The following ADGRB2 variants were observed in gnomAD, a reference collection of about 807,000 sequenced individuals.
The protein encoded by ADGRB2 is adhesion G protein-coupled receptor B2, also known as brain-specific angiogenesis inhibitor 2.
A neutral mutation model predicts 178.7 loss-of-function variants in ADGRB2; 47 were observed. The observed-to-expected ratio is 0.26, with a 90% CI of 0.21 to 0.34. The LOEUF (loss-of-function observed/expected upper bound fraction) is 0.34, where lower values mean the gene tolerates loss of function less well. Ranked by LOEUF, ADGRB2 falls within the 10% of genes least tolerant of loss-of-function variation. The probability of loss-of-function intolerance (pLI) is 1.00; values close to 1 mark genes in which losing one functional copy is unlikely to be tolerated. For synonymous variants in ADGRB2, 870 were observed against 912.4 expected, an observed-to-expected ratio of 0.95 and a Z score of 0.84; for missense variants, 1,584 against 2,180.8, an observed-to-expected ratio of 0.73 and a Z score of 5.45.
chr1:31,759,456 A>T lies in ADGRB2; in HGVS notation c.-190-1945T>A. On this transcript the variant is annotated intron_variant, in intron 1 of 32. Coordinates refer to ENST00000373658, the MANE Select transcript of ADGRB2 (RefSeq NM_001364857.2). This position sits in a 1 kb window ranked among gnomAD's most constrained non-coding sequence, Gnocchi z 4.3. Reference sequence around the variant, plus strand: ...CTCCTAGGCTGCTGCTCCCTACTCCACAGCCCCGCCCCATCAAGAAGCACA... The same window carrying T: ...CTCCTAGGCTGCTGCTCCCTACTCCTCAGCCCCGCCCCATCAAGAAGCACA... 1 of 759,992 alleles carries T rather than the reference A, an allele frequency of 1.3e-6. No individual in the cohort carries two copies. The highest frequency in any genetic ancestry group is 2.5e-6 in the Non-Finnish European group (1 of 406,546). The allele number at this position is 759,992 out of a possible 1,614,324, so 47.1% of individuals were successfully genotyped here. A position where few individuals can be genotyped will look rare whatever the true frequency, so the allele number is the denominator to read the frequency against.
At position 31,744,148 on chromosome 1, in the gene ADGRB2, A is replaced by C; in HGVS notation, c.1087+45T>G. 6.7e-7 allele frequency: 1 copy of C among 1,488,090 alleles called. No individual in the cohort carries two copies. Among genetic ancestry groups the C allele is most frequent in the Non-Finnish European group, 9.0e-7 (1 of 1,114,664 alleles). The allele number at this position is 1,488,090 out of a possible 1,614,324, so 92.2% of individuals were successfully genotyped here. ...TTAATCTGCCCAAGTCCCAGGCAGGACCTAACCCTGCAGGCAGGTGGGGTG... is the reference window on the plus strand; with the variant it reads ...TTAATCTGCCCAAGTCCCAGGCAGGCCCTAACCCTGCAGGCAGGTGGGGTG... On this transcript the variant is annotated intron_variant, in intron 6 of 32. Coordinates refer to ENST00000373658, the MANE Select transcript of ADGRB2 (RefSeq NM_001364857.2). The surrounding 1 kb of genome is among the most constrained non-coding windows in gnomAD (Gnocchi z 6.7).
At position 31,727,322 on chromosome 1, in the gene ADGRB2, A is replaced by C; in HGVS notation, c.*98T>G. On this transcript the variant is annotated 3_prime_UTR_variant, in exon 33 of 33. Transcript: ENST00000373658. This position sits in a 1 kb window ranked among gnomAD's most constrained non-coding sequence, Gnocchi z 4.4. ...GGCGCCTCCCTGCCCAGCCCTCGGG[A>C]GAGGGGAGAGGGCGCTGGCTCCTGG... is the stretch of plus-strand genomic sequence containing the variant. 1 of 1,381,346 alleles carries C rather than the reference A, an allele frequency of 7.2e-7. No individual in the cohort carries two copies. Among genetic ancestry groups the C allele is most frequent in the Non-Finnish European group, 9.5e-7 (1 of 1,050,344 alleles). The allele number at this position is 1,381,346 out of a possible 1,614,324, so 85.6% of individuals were successfully genotyped here. A position where few individuals can be genotyped will look rare whatever the true frequency, so the allele number is the denominator to read the frequency against.
intron 4 of ADGRB2, among the ~76,000 whole-genome samples, chr1:31,748,186 G>A (rs1415051762): frequency 2.6e-5 from 4 of 152,220 alleles, no homozygotes; most frequent in African/African-American, 7.2e-5. Flanking sequence ...GGGGCAGGGC[G>A]AAGCGGGAGT....
intron 4 of ADGRB2, among the ~76,000 whole-genome samples, chr1:31,745,140 G>A (rs142722398): frequency 9.2e-5 from 14 of 152,312 alleles, no homozygotes; most frequent in Non-Finnish European, 1.6e-4. Context: ...GCTAGACAGG[G>A]GAAGTGCCTT....
Position 31,756,276 on chromosome 1 carries a change from G to A in ADGRB2, c.561C>T (p.Leu187=). 1 of 1,613,234 alleles carries A rather than the reference G, an allele frequency of 6.2e-7. No individual in the cohort carries two copies. ...ALAFRFVEVL[L]INNNNSSQFT... is the part of the protein sequence containing the mutation. ...ATTGGCTAGAGTTGTTGTTGTTGAT[G>A]AGCAAGACCTCGACAAAGCGGAAGG... is the stretch of plus-strand genomic sequence containing the variant. Residue 187 remains leucine (L), a synonymous_variant, in exon 4 of 33, where the codon CTC becomes CTT. Coordinates refer to ENST00000373658, the MANE Select transcript of ADGRB2 (RefSeq NM_001364857.2). The surrounding 1 kb of genome is among the most constrained non-coding windows in gnomAD (Gnocchi z 8.5).
At chr1:31,736,473 C>T (rs79637360) in intron 21 of ADGRB2, 83 bp from the exon 22 acceptor site, 18 of 1,601,730 alleles carry the variant, frequency 1.1e-5, no homozygotes, top group Non-Finnish European at 2.6e-6. Context: ...CCCAGCTGAC[C>T]CCTGTGCCCA....
chr1:31,746,994 A>C (rs1646311976), intron 4 of ADGRB2, among the ~76,000 whole-genome samples: 1 of 151,146 alleles, frequency 6.6e-6, no homozygotes, highest in Non-Finnish European at 1.5e-5. Flanking sequence ...CTCAAATATC[A>C]CCTCCCCTGT....
chr1:31,757,726 C>A (rs1265370156), intron 1 of ADGRB2, among the ~76,000 whole-genome samples: 2 of 152,214 alleles, frequency 1.3e-5, no homozygotes, highest in African/African-American at 4.8e-5. Context: ...CCACCCCCCA[C>A]TACCCACCTG....
Position 31,739,621 on chromosome 1 carries a change from G to A in ADGRB2, c.2182C>T (p.Arg728Ter), listed in dbSNP as rs1173343220. 3 of 1,589,262 alleles carry A rather than the reference G, an allele frequency of 1.9e-6. No homozygotes were observed. The highest frequency in any genetic ancestry group is 2.7e-5 in the African/African-American group (2 of 74,596). ...VTDNLVISIQ[R>*]EPVSAVSSDI... ...CTGGACACAGCTGAGACGGGCTCTCGCTGAATGCTGATCACTGCAGTGGGA... is the reference window on the plus strand; with the variant it reads ...CTGGACACAGCTGAGACGGGCTCTCACTGAATGCTGATCACTGCAGTGGGA... Residue 728 changes from arginine to a stop codon, truncating the protein, a stop_gained, in exon 15 of 33, where the codon CGA (arginine) becomes TGA (stop). Coordinates refer to ENST00000373658, the MANE Select transcript of ADGRB2 (RefSeq NM_001364857.2). LOFTEE classifies it high-confidence loss of function.
chr1:31,744,608 G>C lies in ADGRB2; in HGVS notation c.922+40C>G. The stretch of plus-strand genomic sequence containing the variant: ...CACACACCACCAGACGCACACAGTC[G>C]GGCCCCCGCCGCAGAGGAAGGGAGG... On this transcript the variant is annotated intron_variant, in intron 5 of 32. Transcript: ENST00000373658. This position sits in a 1 kb window ranked among gnomAD's most constrained non-coding sequence, Gnocchi z 6.7. 6.2e-7 allele frequency: 1 copy of C among 1,605,470 alleles called. No individual in the cohort carries two copies.
At position 31,741,644 on chromosome 1, in the gene ADGRB2, T is replaced by C; in HGVS notation, c.1667A>G (p.Lys556Arg). The change falls in exon 10 of 33, where the codon AAG becomes AGG. Residue 556 changes from lysine (K) to arginine (R), a missense_variant. By Grantham distance (26) the Lys-to-Arg change is conservative. Around this residue, in one of 3 missense-constraint regions of ADGRB2, gnomAD observed 657 missense variants for 847.6 expected, o/e 0.78. Coordinates refer to ENST00000373658, the MANE Select transcript of ADGRB2 (RefSeq NM_001364857.2). This position sits in a 1 kb window ranked among gnomAD's most constrained non-coding sequence, Gnocchi z 6.5. ...KAAAGEIIYN[K>R]CPPNASGSAS... ...CTTACCTGAGGCATTCGGGGGGCAC[T>C]TGTTGTAGATGATCTCGCCAGCAGC... 6.2e-7 allele frequency: 1 copy of C among 1,613,984 alleles called. No homozygotes were observed. The highest frequency in any genetic ancestry group is 8.5e-7 in the Non-Finnish European group (1 of 1,179,954).
chr1:31,727,323 G>T lies in ADGRB2; in HGVS notation c.*97C>A. 13 of 1,393,920 alleles carry T rather than the reference G, an allele frequency of 9.3e-6. No individual in the cohort carries two copies. In the South Asian group the frequency reaches 1.8e-4, roughly 19 times the overall value. The allele number at this position is 1,393,920 out of a possible 1,614,324, so 86.3% of individuals were successfully genotyped here. On this transcript the variant is annotated 3_prime_UTR_variant, in exon 33 of 33. Transcript: ENST00000373658. This position sits in a 1 kb window ranked among gnomAD's most constrained non-coding sequence, Gnocchi z 4.4. ...GCGCCTCCCTGCCCAGCCCTCGGGA[G>T]AGGGGAGAGGGCGCTGGCTCCTGGG...
intron 4 of ADGRB2, among the ~76,000 whole-genome samples, chr1:31,746,471 C>A (rs991112169): frequency 1.3e-5 from 2 of 152,146 alleles, no homozygotes; most frequent in African/African-American, 4.8e-5. Context: ...ACCCTCTCCA[C>A]GCCCACCCCC....
rs757853016 is a variant in ADGRB2, at chr1:31,735,483, G to C, written c.3353+97C>G. The C allele has an allele frequency of 4.1e-6, 6 of 1,461,770 alleles. No individual in the cohort carries two copies. The highest frequency in any genetic ancestry group is 5.7e-6 in the Non-Finnish European group (6 of 1,059,448). 90.5% of individuals were successfully genotyped at this position (1,461,770 alleles called of 1,614,324 possible). A position where few individuals can be genotyped will look rare whatever the true frequency, so the allele number is the denominator to read the frequency against. Reference sequence around the variant, plus strand: ...TGATGCACCAAGGTTGGGGAGCCCCGGTCGCATCATCGAGCCCTGAGTCTC... The same window carrying C: ...TGATGCACCAAGGTTGGGGAGCCCCCGTCGCATCATCGAGCCCTGAGTCTC... On this transcript the variant is annotated intron_variant, in intron 24 of 32. Transcript: ENST00000373658. This position sits in a 1 kb window ranked among gnomAD's most constrained non-coding sequence, Gnocchi z 6.0.
chr1:31,756,672 C>A lies in ADGRB2; in HGVS notation c.165G>T (p.Gln55His). ...CCGAGGCGATGGTAGGAAAGAGGTC[C>A]TGCAGCGAGAAGGCCCCGTAGAGCA... is the stretch of plus-strand genomic sequence containing the variant. ...SGVLYGAFSL[Q>H]DLFPTIASGC... The change falls in exon 4 of 33, where the codon CAG (glutamine) becomes CAT (histidine). Residue 55 changes from glutamine (Q) to histidine (H), a missense_variant. Coordinates refer to ENST00000373658, the MANE Select transcript of ADGRB2 (RefSeq NM_001364857.2). This position sits in a 1 kb window ranked among gnomAD's most constrained non-coding sequence, Gnocchi z 8.5. 1.2e-6 allele frequency: 2 copies of A among 1,609,054 alleles called. No homozygotes were observed. The highest frequency in any genetic ancestry group is 2.2e-5 in the South Asian group (2 of 89,898).
In ADGRB2 at chr1:31,756,077, C is replaced by G. The variant is rs767662751; in HGVS notation, c.760G>C (p.Gly254Arg). The change falls in exon 4 of 33, where the codon GGG becomes CGG. Residue 254 changes from glycine to arginine, a missense_variant. Physicochemically the swap from Gly to Arg is moderately radical, Grantham distance 125. Transcript: ENST00000373658. This position sits in a 1 kb window ranked among gnomAD's most constrained non-coding sequence, Gnocchi z 8.5. Reference protein sequence around the residue: ...AHTLSNALVPGGPAPPAEADL... With the variant: ...AHTLSNALVPRGPAPPAEADL... ...GCCTCAGCAGGTGGGGCTGGGCCCC[C>G]GGGCACCAGGGCATTGGACAGGGTG... 1.2e-6 allele frequency: 2 copies of G among 1,614,012 alleles called. No homozygotes were observed. The highest frequency in any genetic ancestry group is 1.7e-6 in the Non-Finnish European group (2 of 1,180,004).
In ADGRB2 at chr1:31,759,268, T is replaced by C. The variant is rs2149070819; in HGVS notation, c.-190-1757A>G. 1 of 779,184 alleles carries C rather than the reference T, an allele frequency of 1.3e-6. No homozygotes were observed. Among genetic ancestry groups the C allele is most frequent in the South Asian group, 1.3e-5 (1 of 74,596 alleles). 48.3% of individuals were successfully genotyped at this position (779,184 alleles called of 1,614,324 possible). A position where few individuals can be genotyped will look rare whatever the true frequency, so the allele number is the denominator to read the frequency against. On this transcript the variant is annotated intron_variant, in intron 1 of 32. Transcript: ENST00000373658. This position sits in a 1 kb window ranked among gnomAD's most constrained non-coding sequence, Gnocchi z 4.3. ...ACGCACACACAGGGGTGTAGAGGCT[T>C]ACACTTGTACACATGCACAGAGGTG...
rs766994149 is a variant in ADGRB2 at position 31,741,381 on chromosome 1, A to G, written c.1786T>C (p.Tyr596His). Residue 596 changes from tyrosine to histidine, a missense_variant, in exon 11 of 33, where the codon TAT becomes CAT. Transcript: ENST00000373658. The surrounding 1 kb of genome is among the most constrained non-coding windows in gnomAD (Gnocchi z 6.5). ...CAGCAGGGTGCACTCACTGACAGAT[A>G]CAGGTAGCGGTACTCATGGGAGATG... ...RCISHEYRYLYLSLREHLAKG... is the reference protein window; with the variant it reads ...RCISHEYRYLHLSLREHLAKG... 8.1e-6 allele frequency: 13 copies of G among 1,601,504 alleles called. No homozygotes were observed. The East Asian group carries it at 1.3e-4, about 17-fold the overall frequency.
At position 31,759,242 on chromosome 1, in the gene ADGRB2, C is replaced by G; in HGVS notation, c.-190-1731G>C. The G allele has an allele frequency of 1.3e-6, 1 of 770,872 alleles. No homozygotes were observed. Among genetic ancestry groups the G allele is most frequent in the Non-Finnish European group, 2.4e-6 (1 of 411,348 alleles). 47.8% of individuals were successfully genotyped at this position (770,872 alleles called of 1,614,324 possible). A position where few individuals can be genotyped will look rare whatever the true frequency, so the allele number is the denominator to read the frequency against. ...GCTGTCACACACACTCAGGAGTTAA[C>G]ACGCACACACAGGGGTGTAGAGGCT... On this transcript the variant is annotated intron_variant, in intron 1 of 32. Transcript: ENST00000373658. The surrounding 1 kb of genome is among the most constrained non-coding windows in gnomAD (Gnocchi z 4.3).
Sources: allele counts gnomAD v4.1 joint callset (sites outside exome capture counted in the v4.1 genomes callset), GRCh38; gene constraint gnomAD v4.1.1; regional missense constraint gnomAD v4.1.1; non-coding constraint Gnocchi (gnomAD v3.1); transcripts MANE v1.5; gene names NCBI Gene and HGNC (gene_info 2026-07-23, HGNC 2026-07-21).